The following FUCA1 variants were observed in gnomAD, a reference collection of about 807,000 sequenced individuals.
FUCA1 encodes the protein alpha-L-fucosidase 1, also known as tissue alpha-L-fucosidase.
FUCA1 carries 52 observed loss-of-function variants against 56.8 expected under a neutral mutation model. That is an observed-to-expected ratio of 0.92 (90% CI 0.73 to 1.15). The LOEUF (loss-of-function observed/expected upper bound fraction) is 1.15, where lower values mean the gene tolerates loss of function less well. Ranked by LOEUF, FUCA1 falls within the 50% of genes most tolerant of loss-of-function variation. FUCA1 has a pLI of 0.00. For synonymous variants in FUCA1, 230 were observed against 226.6 expected, an observed-to-expected ratio of 1.02 and a Z score of -0.14; for missense variants, 568 against 592.6, an observed-to-expected ratio of 0.96 and a Z score of 0.43.
chr1:23,863,382 G>A lies in FUCA1; in HGVS notation c.525-111C>T, dbSNP rs1358907643. 9.5e-6 allele frequency: 10 copies of A among 1,051,142 alleles called. No homozygotes were observed. In the Admixed American group the frequency reaches 2.0e-4, roughly 21 times the overall value. The allele number at this position is 1,051,142 out of a possible 1,614,324, so 65.1% of individuals were successfully genotyped here. ...ATTTCAGTGGCACTCACTCATAAGA[G>A]CATATAGAGAGGAATGGGATCCAAA... On this transcript the variant is annotated intron_variant, in intron 2 of 7. Coordinates refer to ENST00000374479, the MANE Select transcript of FUCA1 (RefSeq NM_000147.5).
rs1639647780 is a variant in FUCA1, at chr1:23,867,457, A to G, written c.389+441T>C. 6.6e-6 allele frequency among the ~76,000 whole-genome samples: 1 copy of G among 152,200 alleles called. No homozygotes were observed. Among genetic ancestry groups the G allele is most frequent in the Non-Finnish European group, 1.5e-5 (1 of 68,036 alleles). ...TCCCTCTTAGAGACATTAGGGCTCA[A>G]AGGGTTGTATCCTTATATAACCCCT... On this transcript the variant is annotated intron_variant, in intron 1 of 7. Coordinates refer to ENST00000374479, the MANE Select transcript of FUCA1 (RefSeq NM_000147.5). The surrounding 1 kb of genome is among the most constrained non-coding windows in gnomAD (Gnocchi z 4.9).
At chr1:23,852,465 C>G (rs995559762) in intron 5 of FUCA1, among the ~76,000 whole-genome samples, 2 of 149,852 alleles carry the variant, frequency 1.3e-5, no homozygotes, top group East Asian at 2.0e-4. Context: ...CCCTCTCCCC[C>G]CTCTCCCTCT....
chr1:23,849,219 C>T (rs536545539), intron 5 of FUCA1, among the ~76,000 whole-genome samples: 68 of 152,286 alleles, frequency 4.5e-4, no homozygotes, highest in African/African-American at 1.6e-3. Context: ...CTCCTGACCT[C>T]AGGTGATCTG....
In FUCA1 at chr1:23,867,870, G is replaced by A; in HGVS notation, c.389+28C>T. On this transcript the variant is annotated intron_variant, in intron 1 of 7. Transcript: ENST00000374479. This position sits in a 1 kb window ranked among gnomAD's most constrained non-coding sequence, Gnocchi z 4.9. ...CCTGTTTGCCGCCCGAGCCGGGAAG[G>A]GGCGCCGCTCCCCGGGACCACACTC... The A allele has an allele frequency of 6.5e-7, 1 of 1,533,178 alleles. No homozygotes were observed. The highest frequency in any genetic ancestry group is 8.8e-7 in the Non-Finnish European group (1 of 1,141,652). 95.0% of individuals were successfully genotyped at this position (1,533,178 alleles called of 1,614,324 possible). A position where few individuals can be genotyped will look rare whatever the true frequency, so the allele number is the denominator to read the frequency against.
rs1262597531 is a variant in FUCA1, at chr1:23,853,165, G to A, written c.969+1195C>T. On this transcript the variant is annotated intron_variant, in intron 5 of 7. Coordinates refer to ENST00000374479, the MANE Select transcript of FUCA1 (RefSeq NM_000147.5). Reference sequence around the variant, plus strand: ...ATGTGAGGAGCGCCTCTGCCCGGCCGCGACCCCGTCTGGGAGGTGAGGAGC... The same window carrying A: ...ATGTGAGGAGCGCCTCTGCCCGGCCACGACCCCGTCTGGGAGGTGAGGAGC... 4.7e-5 allele frequency among the ~76,000 whole-genome samples: 7 copies of A among 148,926 alleles called. No individual in the cohort carries two copies. In the South Asian group the frequency reaches 6.4e-4, roughly 14 times the overall value.
At chr1:23,852,824 TACA>T (rs1639293726) in intron 5 of FUCA1, among the ~76,000 whole-genome samples, 1 of 152,020 alleles carries the variant, frequency 6.6e-6, no homozygotes, top group South Asian at 2.1e-4. Flanking sequence ...CTCCGCTCGC[TACA>T]ACCTCCACCT....
At chr1:23,858,346 C>T (rs1639437262) in intron 4 of FUCA1, among the ~76,000 whole-genome samples, 2 of 152,196 alleles carry the variant, frequency 1.3e-5, no homozygotes, top group African/African-American at 2.4e-5. Flanking sequence ...GGATTACAGG[C>T]GTGAGCCACT....
At chr1:23,856,117 G>A (rs752678064) in intron 4 of FUCA1, among the ~76,000 whole-genome samples, 2 of 152,180 alleles carry the variant, frequency 1.3e-5, no homozygotes, top group Non-Finnish European at 2.9e-5. Context: ...TTTTAAGTTA[G>A]TTACTTATCT....
chr1:23,845,784 T>C lies in FUCA1; in HGVS notation c.1332A>G (p.Leu444=), dbSNP rs2148436918. The change falls in exon 8 of 8, where the codon CTA becomes CTG. Residue 444 remains leucine, a synonymous_variant. Transcript: ENST00000374479. ...TDPDKGLFIS[L]PQLPPSAVPA... ...GGACAGCAGAGGGTGGCAACTGGGG[T>C]AGAGAGATGAAGAGACCTTTATCTG... is the stretch of plus-strand genomic sequence containing the variant. 1 of 1,614,114 alleles carries C rather than the reference T, an allele frequency of 6.2e-7. No homozygotes were observed. Among genetic ancestry groups the C allele is most frequent in the Non-Finnish European group, 8.5e-7 (1 of 1,180,000 alleles).
Position 23,845,436 on chromosome 1 carries a change from TTG to T in FUCA1, c.*277_*278del. The T allele has an allele frequency of 1.3e-5, 6 of 469,992 alleles. No individual in the cohort carries two copies. The highest frequency in any genetic ancestry group is 1.3e-4 in the South Asian group (6 of 47,846). 29.1% of individuals were successfully genotyped at this position (469,992 alleles called of 1,614,324 possible). On this transcript the variant is annotated 3_prime_UTR_variant, in exon 8 of 8. Transcript: ENST00000374479. The stretch of plus-strand genomic sequence containing the variant: ...ATCAGAGAACAGAGGGAAGATTCCA[TTG>T]TAGATAATTTCCAAATATTACAATT...
At chr1:23,851,615 C>T (rs1476506543) in intron 5 of FUCA1, among the ~76,000 whole-genome samples, 1 of 152,056 alleles carries the variant, frequency 6.6e-6, no homozygotes, top group Non-Finnish European at 1.5e-5. Context: ...AGAATGTGTC[C>T]TTTGCAGGGA....
intron 4 of FUCA1, among the ~76,000 whole-genome samples, chr1:23,858,891 G>A (rs924625857): frequency 6.6e-6 from 1 of 152,090 alleles, no homozygotes; most frequent in African/African-American, 2.4e-5. Flanking sequence ...AGCCTCCTGA[G>A]TAGCTGGGAC....
At chr1:23,860,773 G>T (rs1243967901) in intron 3 of FUCA1, among the ~76,000 whole-genome samples, 1 of 151,210 alleles carries the variant, frequency 6.6e-6, no homozygotes, top group Non-Finnish European at 1.5e-5. Context: ...CAAGTAGCTG[G>T]GATTACAGGT....
intron 2 of FUCA1, among the ~76,000 whole-genome samples, chr1:23,863,862 CAAA>C: frequency 1.3e-5 from 2 of 151,886 alleles, no homozygotes; most frequent in Admixed American, 1.3e-4. Flanking sequence ...AAAACAAAAA[CAAA>C]ACAAAACAAA....
intron 2 of FUCA1, among the ~76,000 whole-genome samples, 162 bp from the exon 3 acceptor site, chr1:23,863,433 T>A (rs1639550875): frequency 6.6e-6 from 1 of 152,272 alleles, no homozygotes; most frequent in African/African-American, 2.4e-5. Context: ...TATTCACTAT[T>A]CACTTAAGCA....
chr1:23,852,170 A>C (rs1162439085), intron 5 of FUCA1, among the ~76,000 whole-genome samples: 1 of 151,800 alleles, frequency 6.6e-6, no homozygotes, highest in East Asian at 1.9e-4. Flanking sequence ...CATGCCTGTA[A>C]TCCAGTGCTT....
rs536880852 is a variant in FUCA1 at position 23,853,623 on chromosome 1, G to C, written c.969+737C>G. ...AATGGCGGTTTTGTGGAATAGAAAG[G>C]GGGGAAAGGCGGGGAAAGGATTGAG... On this transcript the variant is annotated intron_variant, in intron 5 of 7. Coordinates refer to ENST00000374479, the MANE Select transcript of FUCA1 (RefSeq NM_000147.5). Among the ~76,000 whole-genome samples the C allele has an allele frequency of 2.8e-4, 43 of 151,772 alleles. No individual in the cohort carries two copies. The East Asian group carries it at 3.7e-3, about 13-fold the overall frequency.
At chr1:23,864,335 G>A (rs187124858) in intron 2 of FUCA1, among the ~76,000 whole-genome samples, 7 of 152,080 alleles carry the variant, frequency 4.6e-5, no homozygotes, top group Admixed American at 3.3e-4. Context: ...TGATCCACCC[G>A]CCTCGGCCTC....
intron 6 of FUCA1, among the ~76,000 whole-genome samples, chr1:23,848,151 G>A (rs1365376531): frequency 2.0e-5 from 3 of 152,144 alleles, no homozygotes; most frequent in Admixed American, 2.0e-4. Flanking sequence ...TAGATCCAGA[G>A]ACCTAAGCTC....
Sources: gnomAD v4.1 joint callset for allele counts (sites outside exome capture counted in the v4.1 genomes callset) on GRCh38, gnomAD v4.1.1 for gene constraint, Gnocchi (gnomAD v3.1) non-coding constraint, MANE v1.5 for transcripts, NCBI Gene and HGNC (gene_info 2026-07-23, HGNC 2026-07-21) for gene names.